Variants in CDYL observed in about 807,000 individuals in gnomAD.
CDYL encodes chromodomain Y like, also known as chromodomain Y-like protein.
Under a neutral mutation model 47.3 loss-of-function variants are expected in CDYL, and 8 were observed. The observed-to-expected ratio is 0.17, with a 90% CI of 0.10 to 0.31. The LOEUF (loss-of-function observed/expected upper bound fraction) is 0.31. Among genes scored for constraint, CDYL ranks in the 10% least tolerant of loss-of-function variants. The probability of loss-of-function intolerance (pLI) is 1.00; values close to 1 mark genes in which losing one functional copy is unlikely to be tolerated. For synonymous variants in CDYL, 266 were observed against 265.0 expected, an observed-to-expected ratio of 1.00 and a Z score of -0.04; for missense variants, 471 against 701.4, an observed-to-expected ratio of 0.67 and a Z score of 3.71.
intron 1 of CDYL, among the ~76,000 whole-genome samples, chr6:4,867,919 TTTCC>T (rs1233891503): frequency 6.6e-6 from 1 of 151,770 alleles, no homozygotes; most frequent in Non-Finnish European, 1.5e-5. Context: ...GTATATCGTG[TTTCC>T]TTCCTTTCTG....
intron 2 of CDYL, among the ~76,000 whole-genome samples, chr6:4,911,824 C>T (rs1329263091): frequency 6.6e-6 from 1 of 152,170 alleles, no homozygotes; most frequent in Non-Finnish European, 1.5e-5. Context: ...AGAATCCATT[C>T]ATGTCAAGTA....
intron 1 of CDYL, among the ~76,000 whole-genome samples, chr6:4,806,333 C>T (rs1759369191): frequency 6.6e-6 from 1 of 152,244 alleles, no homozygotes; most frequent in Non-Finnish European, 1.5e-5. Flanking sequence ...CTTCACACCT[C>T]CTCCACGCTG....
chr6:4,802,401 G>A (rs1288476349), intron 1 of CDYL, among the ~76,000 whole-genome samples: 2 of 152,116 alleles, frequency 1.3e-5, no homozygotes, highest in South Asian at 2.1e-4. Flanking sequence ...TTAGCTGAGT[G>A]TGATGGCAGT....
At chr6:4,814,887 G>C (rs1190281937) in intron 1 of CDYL, among the ~76,000 whole-genome samples, 1 of 152,158 alleles carries the variant, frequency 6.6e-6, no homozygotes, top group Non-Finnish European at 1.5e-5. Context: ...GCTTGTTGTA[G>C]GGTTTTGATG....
chr6:4,713,428 G>C (rs913569404), intron 1 of CDYL, among the ~76,000 whole-genome samples: 2 of 152,116 alleles, frequency 1.3e-5, no homozygotes, highest in African/African-American at 4.8e-5. Flanking sequence ...CTCTTTGTCA[G>C]GGCTCCCCGT....
intron 3 of CDYL, among the ~76,000 whole-genome samples, chr6:4,744,815 A>G (rs1415343106): frequency 6.6e-6 from 1 of 152,286 alleles, no homozygotes; most frequent in Non-Finnish European, 1.5e-5. Flanking sequence ...CTTAACCTCT[A>G]TGGTAAATTG....
At chr6:4,933,701 C>A (rs1489121269) in intron 2 of CDYL, among the ~76,000 whole-genome samples, 2 of 152,188 alleles carry the variant, frequency 1.3e-5, no homozygotes, top group African/African-American at 4.8e-5. Context: ...CAGAAGGACT[C>A]AGCAACACCT....
chr6:4,909,165 A>G (rs1198855342), intron 2 of CDYL, among the ~76,000 whole-genome samples: 1 of 152,352 alleles, frequency 6.6e-6, no homozygotes, highest in East Asian at 1.9e-4. Context: ...TCATCCAGAA[A>G]GAAAGGAGAA....
At chr6:4,884,456 G>A (rs1422558165) in intron 1 of CDYL, among the ~76,000 whole-genome samples, 1 of 152,220 alleles carries the variant, frequency 6.6e-6, no homozygotes, top group Non-Finnish European at 1.5e-5. Context: ...AGCTAATGGA[G>A]TGGATACTCA....
In CDYL at chr6:4,723,692, G is replaced by A. The variant is rs7740482; in HGVS notation, c.103+7811G>A. On this transcript the variant is annotated intron_variant, in intron 2 of 8. Coordinates refer to the CDYL transcript ENST00000328908. ...AAGGGGGCTTGTTGATGGAGTCCTCGCCTGTCAGCACCCCAAGCCACAGAG... is the reference window on the plus strand; with the variant it reads ...AAGGGGGCTTGTTGATGGAGTCCTCACCTGTCAGCACCCCAAGCCACAGAG... Among the ~76,000 whole-genome samples, 400 of 152,220 alleles carry A rather than the reference G, an allele frequency of 2.6e-3. 2 individuals carry two copies. The highest frequency in any genetic ancestry group is 9.0e-3 in the African/African-American group (374 of 41,520).
At chr6:4,936,000 C>T (rs754698779) in intron 3 of CDYL, among the ~76,000 whole-genome samples, 1 of 152,212 alleles carries the variant, frequency 6.6e-6, no homozygotes, top group Non-Finnish European at 1.5e-5. Flanking sequence ...GTGTCCATCC[C>T]CATTCTCCCG....
chr6:4,952,433 A>G, intron 6 of CDYL, 24 bp downstream of exon 6: 1 of 1,580,970 alleles, frequency 6.3e-7, no homozygotes, highest in Non-Finnish European at 8.6e-7. Flanking sequence ...CTTCTGTTAC[A>G]CGTTACTTTT....
At chr6:4,761,232 A>T (rs1317258459) in intron 3 of CDYL, among the ~76,000 whole-genome samples, 9 of 152,214 alleles carry the variant, frequency 5.9e-5, no homozygotes, top group Admixed American at 5.9e-4. Flanking sequence ...TGTTAAACAG[A>T]TCTTTAAACA....
intron 1 of CDYL, among the ~76,000 whole-genome samples, chr6:4,862,786 A>C (rs1306556482): frequency 6.6e-6 from 1 of 152,218 alleles, no homozygotes; most frequent in Non-Finnish European, 1.5e-5. Flanking sequence ...GGTTAAGAAT[A>C]TCTCTTCCCT....
chr6:4,941,622 C>T (rs1288384721), intron 4 of CDYL, among the ~76,000 whole-genome samples: 2 of 152,148 alleles, frequency 1.3e-5, no homozygotes, highest in African/African-American at 4.8e-5. Context: ...CAAAAAATGC[C>T]TTCAGCCTAT....
At chr6:4,726,531 CAA>C (rs58148317) in intron 2 of CDYL, among the ~76,000 whole-genome samples, 39 of 100,318 alleles carry the variant, frequency 3.9e-4, no homozygotes, top group Middle Eastern at 5.5e-3. Context: ...GACTCTGTCT[CAA>C]AAAAAAAAAA....
At chr6:4,819,317 CAT>C (rs1217312334) in intron 1 of CDYL, among the ~76,000 whole-genome samples, 5 of 151,726 alleles carry the variant, frequency 3.3e-5, no homozygotes, top group Non-Finnish European at 7.4e-5. Context: ...ATACTCAACT[CAT>C]AGAAGTAAAG....
At chr6:4,896,479 A>G (rs941511199) in intron 2 of CDYL, among the ~76,000 whole-genome samples, 5 of 152,204 alleles carry the variant, frequency 3.3e-5, no homozygotes, top group African/African-American at 1.2e-4. Flanking sequence ...ATGGAAGACA[A>G]GGGTTGTTGT....
intron 1 of CDYL, among the ~76,000 whole-genome samples, chr6:4,826,119 T>A (rs1042666118): frequency 6.6e-6 from 1 of 152,216 alleles, no homozygotes; most frequent in Non-Finnish European, 1.5e-5. Flanking sequence ...TCGACTAGGA[T>A]CAGTTGTTTG....
Sources: gnomAD v4.1 joint callset for allele counts (sites outside exome capture counted in the v4.1 genomes callset) on GRCh38, gnomAD v4.1.1 for gene constraint, MANE v1.5 for transcripts, NCBI Gene and HGNC (gene_info 2026-07-23, HGNC 2026-07-21) for gene names.